Variants in ANK2 observed in about 807,000 individuals in gnomAD.
ANK2 encodes ankyrin 2, also known as ankyrin-2.
ANK2 carries 83 observed loss-of-function variants against 360.5 expected under a neutral mutation model. The observed-to-expected ratio is 0.23, with a 90% CI of 0.19 to 0.28. The LOEUF (loss-of-function observed/expected upper bound fraction) is 0.28. Ranked by LOEUF, ANK2 falls within the 10% of genes least tolerant of loss-of-function variation. ANK2 has a pLI of 1.00. For synonymous variants in ANK2, 1,740 were observed against 1,759.5 expected (o/e 0.99, Z 0.28); for missense variants, 4,201 against 4,795.7 (o/e 0.88, Z 3.66).
chr4:113,201,798 C>T (rs1452049756), intron 4 of ANK2, among the ~76,000 whole-genome samples: 1 of 152,124 alleles, frequency 6.6e-6, no homozygotes, highest in Non-Finnish European at 1.5e-5. Context: ...CAAGCTAAAA[C>T]CATTTAATCA....
intron 1 of ANK2, among the ~76,000 whole-genome samples, chr4:113,106,064 T>C (rs934663722): frequency 1.8e-4 from 28 of 152,194 alleles, no homozygotes; most frequent in African/African-American, 6.5e-4. Flanking sequence ...TTATAATTTG[T>C]ATTCAGTTAT....
chr4:112,859,823 T>C (rs1267115265), intron 1 of ANK2, among the ~76,000 whole-genome samples: 2 of 152,210 alleles, frequency 1.3e-5, no homozygotes, highest in Non-Finnish European at 2.9e-5. Context: ...GTTTCCTGAA[T>C]TGATAACCTT....
intron 1 of ANK2, among the ~76,000 whole-genome samples, chr4:112,840,876 G>A (rs1341673205): frequency 2.0e-5 from 3 of 152,166 alleles, no homozygotes; most frequent in Non-Finnish European, 4.4e-5. Flanking sequence ...AGCTCATTCA[G>A]CTGCCTCTTA....
chr4:113,271,727 C>A (rs1381137454), intron 14 of ANK2, among the ~76,000 whole-genome samples: 1 of 152,200 alleles, frequency 6.6e-6, no homozygotes, highest in Non-Finnish European at 1.5e-5. Context: ...ACCATATACT[C>A]ATAATAACAT....
chr4:112,895,573 A>T (rs2150748150), intron 1 of ANK2, among the ~76,000 whole-genome samples: 1 of 152,202 alleles, frequency 6.6e-6, no homozygotes, highest in Non-Finnish European at 1.5e-5. Context: ...TTAATGCTCC[A>T]CTGAGGCCAC....
intron 1 of ANK2, among the ~76,000 whole-genome samples, chr4:112,874,131 G>C (rs1201828507): frequency 1.4e-5 from 2 of 146,372 alleles, no homozygotes; most frequent in Non-Finnish European, 3.0e-5. Flanking sequence ...TCCCAAGCTG[G>C]AGTTCAATGG....
chr4:112,976,764 AC>A (rs1335171980), intron 2 of ANK2, among the ~76,000 whole-genome samples: 1 of 151,432 alleles, frequency 6.6e-6, no homozygotes, highest in African/African-American at 2.4e-5. Flanking sequence ...CTTAGTGCTG[AC>A]TACTTCTTTG....
At chr4:112,987,323 C>T (rs1226403989) in intron 2 of ANK2, among the ~76,000 whole-genome samples, 1 of 152,108 alleles carries the variant, frequency 6.6e-6, no homozygotes, top group Non-Finnish European at 1.5e-5. Context: ...AGCAGGTGGC[C>T]GTGCAGCCTG....
At chr4:112,961,398 C>A (rs1381555945) in intron 2 of ANK2, among the ~76,000 whole-genome samples, 3 of 151,866 alleles carry the variant, frequency 2.0e-5, no homozygotes, top group Non-Finnish European at 4.4e-5. Flanking sequence ...CTAAAGAGAA[C>A]CTTTCTTTAT....
intron 1 of ANK2, among the ~76,000 whole-genome samples, chr4:112,822,893 G>GATAGAACAAATAT (rs1207713475): frequency 2.6e-5 from 4 of 151,672 alleles, no homozygotes; most frequent in Non-Finnish European, 5.9e-5. Flanking sequence ...CTTGTTCATT[G>GATAGAACAAATAT]ATAGAACAAA....
At chr4:113,018,353 A>G (rs1198448330) in intron 2 of ANK2, among the ~76,000 whole-genome samples, 1 of 152,232 alleles carries the variant, frequency 6.6e-6, no homozygotes, top group South Asian at 2.1e-4. Context: ...TACAAATAAA[A>G]TGCATGATTT....
the ANK2 span, among the ~76,000 whole-genome samples, chr4:112,809,494 G>C: frequency 6.7e-6 from 1 of 148,292 alleles, no homozygotes; most frequent in Non-Finnish European, 1.5e-5. Context: ...CTGGGAGGCG[G>C]AGGTTGCAGT....
At chr4:113,254,430 A>G (rs1293998865) in intron 10 of ANK2, among the ~76,000 whole-genome samples, 1 of 152,190 alleles carries the variant, frequency 6.6e-6, no homozygotes, top group African/African-American at 2.4e-5. Flanking sequence ...AATAACCTTC[A>G]AATAGGTAAA....
At chr4:113,008,870 G>C (rs2053795194) in intron 2 of ANK2, among the ~76,000 whole-genome samples, 1 of 152,106 alleles carries the variant, frequency 6.6e-6, no homozygotes, top group African/African-American at 2.4e-5. Flanking sequence ...GACTCAGCCT[G>C]TTCATTGGGG....
chr4:112,945,095 T>A (rs899827058), intron 2 of ANK2, among the ~76,000 whole-genome samples: 1 of 152,218 alleles, frequency 6.6e-6, no homozygotes, highest in African/African-American at 2.4e-5. Context: ...ACCACATGTA[T>A]CTTGGGTTGG....
At chr4:113,077,378 CT>C (rs1421679340) in intron 1 of ANK2, among the ~76,000 whole-genome samples, 1 of 151,886 alleles carries the variant, frequency 6.6e-6, no homozygotes, top group Non-Finnish European at 1.5e-5. Flanking sequence ...TTTTTTCTTT[CT>C]AACTTTCTGT....
At chr4:113,075,735 G>A (rs1038973442) in intron 1 of ANK2, among the ~76,000 whole-genome samples, 1 of 152,138 alleles carries the variant, frequency 6.6e-6, no homozygotes, top group Admixed American at 6.5e-5. Flanking sequence ...TTATGGATGG[G>A]TATTTTCTTA....
At chr4:113,283,473 G>A (rs1291500785) in intron 18 of ANK2, among the ~76,000 whole-genome samples, 3 of 152,028 alleles carry the variant, frequency 2.0e-5, no homozygotes, top group Non-Finnish European at 4.4e-5. Flanking sequence ...TTTTAATAAA[G>A]CACATCAGTC....
At chr4:112,771,909 T>C in the ANK2 span, among the ~76,000 whole-genome samples, 1 of 152,128 alleles carries the variant, frequency 6.6e-6, no homozygotes, top group African/African-American at 2.4e-5. Context: ...TTAACAAGGC[T>C]TGTTTGTTCA....
Sources: gnomAD v4.1 joint callset for allele counts (sites outside exome capture counted in the v4.1 genomes callset) on GRCh38, gnomAD v4.1.1 for gene constraint, MANE v1.5 for transcripts, NCBI Gene and HGNC (gene_info 2026-07-23, HGNC 2026-07-21) for gene names.